Variants in RALYL observed in about 807,000 individuals in gnomAD.
The protein encoded by RALYL is RNA-binding Raly-like protein.
Under a neutral mutation model 35.1 loss-of-function variants are expected in RALYL, and 29 were observed. That is an observed-to-expected ratio of 0.83 (90% CI 0.61 to 1.13). RALYL has a LOEUF of 1.13. Among genes scored for constraint, RALYL ranks in the 50% most tolerant of loss-of-function variants. The pLI, the probability that RALYL is intolerant of heterozygous loss-of-function variation, is 0.00. For synonymous variants in RALYL, 120 were observed against 127.6 expected (o/e 0.94, Z 0.40); for missense variants, 359 against 360.4 (o/e 1.00, Z 0.03).
chr8:84,762,175 G>A (rs1001861026), intron 2 of RALYL, among the ~76,000 whole-genome samples: 2 of 152,126 alleles, frequency 1.3e-5, no homozygotes, highest in Non-Finnish European at 2.9e-5. Flanking sequence ...GATAGAAAGA[G>A]GAGAGATACA....
At chr8:84,401,320 TA>T (rs979929822) in intron 1 of RALYL, among the ~76,000 whole-genome samples, 8 of 152,198 alleles carry the variant, frequency 5.3e-5, no homozygotes, top group African/African-American at 1.9e-4. Flanking sequence ...GGGGAAGGTT[TA>T]CTCACCATTA....
At chr8:84,195,980 A>G (rs1250504142) in intron 1 of RALYL, among the ~76,000 whole-genome samples, 1 of 152,248 alleles carries the variant, frequency 6.6e-6, no homozygotes, top group Non-Finnish European at 1.5e-5. Context: ...ATCCTGGAAT[A>G]TATTGAGATT....
At chr8:84,447,944 G>A (rs1358425241) in intron 1 of RALYL, among the ~76,000 whole-genome samples, 1 of 151,974 alleles carries the variant, frequency 6.6e-6, no homozygotes, top group Non-Finnish European at 1.5e-5. Flanking sequence ...AGGGGCTAGG[G>A]GAAGAAAATG....
chr8:84,881,587 A>C (rs1842181144), intron 7 of RALYL, among the ~76,000 whole-genome samples: 1 of 152,040 alleles, frequency 6.6e-6, no homozygotes, highest in African/African-American at 2.4e-5. Context: ...TTGTTTTCTG[A>C]ATCGTAGATA....
At chr8:84,420,103 T>C (rs998640829) in intron 1 of RALYL, among the ~76,000 whole-genome samples, 3 of 151,690 alleles carry the variant, frequency 2.0e-5, no homozygotes, top group African/African-American at 7.3e-5. Context: ...TAGTTCTAGA[T>C]CCCTGAGGAA....
At chr8:84,271,157 C>T (rs1834234652) in intron 1 of RALYL, among the ~76,000 whole-genome samples, 1 of 142,122 alleles carries the variant, frequency 7.0e-6, no homozygotes, top group African/African-American at 2.6e-5. Flanking sequence ...TATCTGATAA[C>T]AGACATTTAA....
chr8:84,841,973 T>C (rs1302560663), intron 4 of RALYL, among the ~76,000 whole-genome samples: 1 of 152,150 alleles, frequency 6.6e-6, no homozygotes, highest in Non-Finnish European at 1.5e-5. Context: ...AAGCAGTGTG[T>C]AGAGGGAAAT....
chr8:84,398,468 C>T (rs1329760107), intron 1 of RALYL, among the ~76,000 whole-genome samples: 1 of 151,892 alleles, frequency 6.6e-6, no homozygotes, highest in Non-Finnish European at 1.5e-5. Context: ...GATAAGAGGA[C>T]CTAGAAAATA....
intron 1 of RALYL, among the ~76,000 whole-genome samples, chr8:84,206,037 G>T (rs956776453): frequency 6.6e-6 from 1 of 152,046 alleles, no homozygotes; most frequent in Non-Finnish European, 1.5e-5. Context: ...AGTCTTATTG[G>T]ATTAAGGCCC....
At chr8:84,356,815 A>AG (rs1851927087) in intron 1 of RALYL, among the ~76,000 whole-genome samples, 2 of 149,592 alleles carry the variant, frequency 1.3e-5, no homozygotes, top group African/African-American at 2.5e-5. Flanking sequence ...TTGTCATAAC[A>AG]CAGTAAAATA....
At chr8:84,673,214 G>A (rs1833591596) in intron 2 of RALYL, among the ~76,000 whole-genome samples, 1 of 151,848 alleles carries the variant, frequency 6.6e-6, no homozygotes, top group South Asian at 2.1e-4. Flanking sequence ...CTTTTTAATG[G>A]GGTTGTTTGT....
chr8:84,678,324 C>T (rs549437004), intron 2 of RALYL, among the ~76,000 whole-genome samples: 16 of 152,088 alleles, frequency 1.1e-4, no homozygotes, highest in East Asian at 1.9e-4. Context: ...AGTGCAGTGG[C>T]GATATCTCAG....
intron 1 of RALYL, among the ~76,000 whole-genome samples, chr8:84,214,733 C>T (rs1820364617): frequency 6.6e-6 from 1 of 152,054 alleles, no homozygotes; most frequent in Non-Finnish European, 1.5e-5. Flanking sequence ...TTACCAGTGT[C>T]TGTTACAGAT....
At chr8:84,580,909 G>A (rs1404423200) in intron 2 of RALYL, among the ~76,000 whole-genome samples, 1 of 152,152 alleles carries the variant, frequency 6.6e-6, no homozygotes, top group Non-Finnish European at 1.5e-5. Flanking sequence ...GGTAAGTCTT[G>A]TTGGCTGGGA....
intron 8 of RALYL, among the ~76,000 whole-genome samples, chr8:84,916,413 C>A (rs1848488819): frequency 6.6e-6 from 1 of 151,550 alleles, no homozygotes; most frequent in South Asian, 2.1e-4. Flanking sequence ...TCTTGAATGC[C>A]CAAGTATTGT....
chr8:84,653,546 A>G (rs1405464209), intron 2 of RALYL, among the ~76,000 whole-genome samples: 1 of 151,656 alleles, frequency 6.6e-6, no homozygotes, highest in Non-Finnish European at 1.5e-5. Context: ...TTTCCCTCTC[A>G]TTTCCCAATG....
At chr8:84,441,591 G>A (rs1046104428) in intron 1 of RALYL, among the ~76,000 whole-genome samples, 4 of 152,054 alleles carry the variant, frequency 2.6e-5, no homozygotes, top group Admixed American at 1.3e-4. Context: ...AGGCATGAAC[G>A]ATCATGTATT....
chr8:84,456,618 A>G (rs1296138341), intron 1 of RALYL, among the ~76,000 whole-genome samples: 1 of 152,028 alleles, frequency 6.6e-6, no homozygotes, highest in Non-Finnish European at 1.5e-5. Flanking sequence ...TCTAGTCATT[A>G]ATTCAACAGA....
At chr8:84,444,888 GC>G (rs2048701100) in intron 1 of RALYL, among the ~76,000 whole-genome samples, 1 of 152,000 alleles carries the variant, frequency 6.6e-6, no homozygotes, top group Admixed American at 6.6e-5. Context: ...AATTATAATG[GC>G]TGATGTATGC....
Sources: gnomAD v4.1 joint callset for allele counts (sites outside exome capture counted in the v4.1 genomes callset) on GRCh38, gnomAD v4.1.1 for gene constraint, MANE v1.5 for transcripts, NCBI Gene and HGNC (gene_info 2026-07-23, HGNC 2026-07-21) for gene names.